CHAF1A: variants seen among roughly 807,000 people sequenced by gnomAD.
The protein encoded by CHAF1A is CAF-1 subunit A.
A neutral mutation model predicts 93.2 loss-of-function variants in CHAF1A; 5 were observed. The observed-to-expected ratio is 0.05, with a 90% CI of 0.03 to 0.11. CHAF1A has a LOEUF of 0.11. Among genes scored for constraint, CHAF1A ranks in the 10% least tolerant of loss-of-function variants. The pLI is 1.00. For synonymous variants in CHAF1A, 504 were observed against 510.3 expected (o/e 0.99, Z 0.17); for missense variants, 1,102 against 1,259.9 (o/e 0.87, Z 1.90).
chr19:4,439,427 A>C (rs571769884), intron 13 of CHAF1A, among the ~76,000 whole-genome samples: 179 of 152,264 alleles, frequency 1.2e-3, no homozygotes, highest in Non-Finnish European at 2.3e-3. Flanking sequence ...TGCTGGCGAG[A>C]TGACAGCTGT....
chr19:4,427,281 C>A, intron 7 of CHAF1A, among the ~76,000 whole-genome samples: 1 of 146,194 alleles, frequency 6.8e-6, no homozygotes, highest in East Asian at 2.1e-4. Context: ...TCCTGAGTAG[C>A]TGGGACTACA....
chr19:4,418,704 C>T (rs992006852), intron 4 of CHAF1A, among the ~76,000 whole-genome samples: 1 of 152,098 alleles, frequency 6.6e-6, no homozygotes, highest in Non-Finnish European at 1.5e-5. Context: ...TGTGAGCCGC[C>T]GCGCCTGGCC....
At chr19:4,402,845 G>A (rs1451628797) in intron 1 of CHAF1A, 31 bp downstream of exon 1, 9 of 1,180,824 alleles carry the variant, frequency 7.6e-6, no homozygotes, top group Non-Finnish European at 8.4e-6. Context: ...AGGGGAAGGG[G>A]GGGCGCGGCG....
At chr19:4,441,410 C>T (rs11669263) in intron 13 of CHAF1A, among the ~76,000 whole-genome samples, 28,686 of 151,390 alleles carry the variant, frequency 0.19, 3,077 homozygotes, top group Admixed American at 0.27. Context: ...GAGTTTGAGA[C>T]CAGCTTGACC....
chr19:4,407,247 C>A (rs59878064), intron 2 of CHAF1A, among the ~76,000 whole-genome samples: 67,508 of 143,410 alleles, frequency 0.47, 15,991 homozygotes, highest in African/African-American at 0.55. Flanking sequence ...ACACCCCCCC[C>A]AAAAAAAAAC....
chr19:4,432,340 T>C, intron 12 of CHAF1A, 133 bp downstream of exon 12: 1 of 1,053,700 alleles, frequency 9.5e-7, no homozygotes, highest in Non-Finnish European at 1.3e-6. Flanking sequence ...CCAGCCCTTT[T>C]CCTGTACATG....
downstream of CHAF1A, chr19:4,445,558 C>T: frequency 6.2e-7 from 1 of 1,613,834 alleles, no homozygotes. Flanking sequence ...CCGGCTCGGC[C>T]CCCGCGGCCT....
At chr19:4,447,450 C>T, downstream of CHAF1A, 2 of 1,353,048 alleles carry the variant, frequency 1.5e-6, no homozygotes, top group South Asian at 1.2e-5. Flanking sequence ...TCGCTAGCTC[C>T]TCCAGGGAGC....
At chr19:4,446,180 C>T, downstream of CHAF1A, 1 of 1,607,230 alleles carries the variant, frequency 6.2e-7, no homozygotes, top group South Asian at 1.1e-5. Flanking sequence ...CCCAGCCGCT[C>T]CCGAGCGTAG....
In CHAF1A at chr19:4,423,513, C is replaced by T. The variant is rs150941793; in HGVS notation, c.1308+118C>T. On this transcript the variant is annotated intron_variant, in intron 6 of 14. Coordinates refer to ENST00000301280, the MANE Select transcript of CHAF1A (RefSeq NM_005483.3). Reference sequence around the variant, plus strand: ...CTCTTGGTTTGGGGAAACCAAATGGCGCCCGCAGGGAGGGCGAGTCTGTCT... The same window carrying T: ...CTCTTGGTTTGGGGAAACCAAATGGTGCCCGCAGGGAGGGCGAGTCTGTCT... 2.1e-4 allele frequency: 318 copies of T among 1,541,926 alleles called. 2 individuals are homozygous for T. In the East Asian group the frequency reaches 4.0e-3, roughly 19 times the overall value.
intron 13 of CHAF1A, among the ~76,000 whole-genome samples, chr19:4,436,459 C>T (rs1974285041): frequency 6.6e-6 from 1 of 152,194 alleles, no homozygotes; most frequent in Non-Finnish European, 1.5e-5. Flanking sequence ...CCACAGGAGG[C>T]CCCCACACAG....
chr19:4,447,673 C>T (rs768067182), downstream of CHAF1A: 1 of 1,599,510 alleles, frequency 6.3e-7, no homozygotes, highest in South Asian at 1.1e-5. Flanking sequence ...GGCTGCCCAC[C>T]CGGCCCCTCT....
chr19:4,430,807 T>G, intron 11 of CHAF1A, 166 bp downstream of exon 11: 1 of 663,122 alleles, frequency 1.5e-6, no homozygotes. Context: ...GGGCCTGAAC[T>G]TGGTATTACC....
chr19:4,448,281 GGAGGGGCCAGGCAGGGCA>G, downstream of CHAF1A: 2 of 1,548,838 alleles, frequency 1.3e-6, no homozygotes, highest in Non-Finnish European at 1.8e-6. Flanking sequence ...GGGATGAGCT[GGAGGGGCCAGGCAGGGCA>G]AAGGGGCCAC....
chr19:4,426,094 T>G (rs1168158089), intron 7 of CHAF1A, among the ~76,000 whole-genome samples: 2 of 151,894 alleles, frequency 1.3e-5, no homozygotes, highest in Non-Finnish European at 2.9e-5. Flanking sequence ...GATCTGTAAG[T>G]TTTTTTTAAC....
rs1004194506 is a variant in CHAF1A, at chr19:4,433,403, C to T, written c.2537C>T (p.Pro846Leu). Residue 846 changes from proline (P) to leucine (L), a missense_variant, in exon 13 of 15, where the codon CCC becomes CTC. This residue lies in a region of CHAF1A where 76 missense variants were observed against 129.8 expected (regional missense o/e 0.59). Transcript: ENST00000301280. This position sits in a 1 kb window ranked among gnomAD's most constrained non-coding sequence, Gnocchi z 5.6. ...PCQWSYVTSV[P>L]SAPKEDSGSV... ...CAGTGGAGCTATGTGACATCGGTGCCCTCGGCCCCCAAAGAGGACAGTGGC... is the reference window on the plus strand; with the variant it reads ...CAGTGGAGCTATGTGACATCGGTGCTCTCGGCCCCCAAAGAGGACAGTGGC... 3.1e-6 allele frequency: 5 copies of T among 1,612,518 alleles called. No homozygotes were observed. The African/African-American group carries it at 4.0e-5, about 13-fold the overall frequency.
At chr19:4,417,953 A>C in intron 3 of CHAF1A, 67 bp from the exon 4 acceptor site, 1 of 1,143,352 alleles carries the variant, frequency 8.7e-7, no homozygotes, top group Non-Finnish European at 1.3e-6. Context: ...TCACCTGGAA[A>C]GGTTTCTCTT....
intron 1 of CHAF1A, among the ~76,000 whole-genome samples, chr19:4,405,216 T>C (rs1198009559): frequency 6.6e-6 from 1 of 152,174 alleles, no homozygotes; most frequent in Admixed American, 6.6e-5. Context: ...TCTGCTGTCA[T>C]AGAGTTGGCA....
chr19:4,445,860 C>T (rs943876701), downstream of CHAF1A: 26 of 1,069,740 alleles, frequency 2.4e-5, no homozygotes, highest in Middle Eastern at 6.3e-4. Flanking sequence ...GAAACTGAGG[C>T]GTGGAGTAGT....
Sources: allele counts gnomAD v4.1 joint callset (sites outside exome capture counted in the v4.1 genomes callset), GRCh38; gene constraint gnomAD v4.1.1; regional missense constraint gnomAD v4.1.1; non-coding constraint Gnocchi (gnomAD v3.1); transcripts MANE v1.5; gene names NCBI Gene and HGNC (gene_info 2026-07-23, HGNC 2026-07-21).